Variants in C8B observed in about 807,000 individuals in gnomAD.
The protein encoded by C8B is complement component C8 beta chain.
Under a neutral mutation model 64.6 loss-of-function variants are expected in C8B, and 67 were observed. The observed-to-expected ratio is 1.04, with a 90% CI of 0.85 to 1.27. The LOEUF (loss-of-function observed/expected upper bound fraction) is 1.27. Among genes scored for constraint, C8B ranks in the 50% most tolerant of loss-of-function variants. The pLI is 0.00. For missense variants in C8B, 790 were observed against 725.2 expected (o/e 1.09, Z -1.03); for synonymous variants, 284 against 257.7 (o/e 1.10, Z -0.98).
intron 6 of C8B, among the ~76,000 whole-genome samples, chr1:56,949,209 A>G (rs1644985270): frequency 6.6e-6 from 1 of 152,184 alleles, no homozygotes; most frequent in Non-Finnish European, 1.5e-5. Context: ...TTATGAGGTT[A>G]TTATGTCATG....
intron 9 of C8B, among the ~76,000 whole-genome samples, chr1:56,935,760 A>G (rs1291328058): frequency 6.6e-6 from 1 of 152,238 alleles, no homozygotes; most frequent in Non-Finnish European, 1.5e-5. Context: ...AAAGTCACAT[A>G]GCTAGTGAGT....
intron 9 of C8B, among the ~76,000 whole-genome samples, chr1:56,937,219 C>T (rs989417974): frequency 9.2e-5 from 14 of 152,170 alleles, no homozygotes; most frequent in African/African-American, 3.1e-4. Context: ...AAGGTTGAGG[C>T]TTTCCAAACA....
chr1:56,951,955 A>G, intron 5 of C8B, 93 bp downstream of exon 5: 1 of 633,370 alleles, frequency 1.6e-6, no homozygotes, highest in Non-Finnish European at 2.1e-6. Flanking sequence ...GCTCAAAGAG[A>G]AAAGGGCTAG....
intron 8 of C8B, among the ~76,000 whole-genome samples, chr1:56,941,767 G>T (rs1227141823): frequency 6.6e-6 from 1 of 152,170 alleles, no homozygotes; most frequent in Non-Finnish European, 1.5e-5. Flanking sequence ...AGGTCTGCCT[G>T]GTTTCATAGC....
At chr1:56,937,269 G>A (rs1570375804) in intron 9 of C8B, among the ~76,000 whole-genome samples, 1 of 152,184 alleles carries the variant, frequency 6.6e-6, no homozygotes, top group Non-Finnish European at 1.5e-5. Context: ...TATCACTGCT[G>A]TGGTGATCTT....
chr1:56,960,934 G>A (rs1645170848), intron 1 of C8B, among the ~76,000 whole-genome samples: 2 of 152,166 alleles, frequency 1.3e-5, no homozygotes, highest in South Asian at 4.1e-4. Flanking sequence ...TATGGGCTTG[G>A]ATCTCAGGAT....
In C8B at chr1:56,962,337, T is replaced by C. The variant is rs1023344255; in HGVS notation, c.93-2161A>G. Among the ~76,000 whole-genome samples the C allele has an allele frequency of 2.6e-5, 4 of 152,192 alleles. No individual in the cohort carries two copies. The East Asian group carries it at 7.7e-4, about 29-fold the overall frequency. ...TTTGTAAATTACATCGGATGAGATG[T>C]GTGTGGTTTATTAGTACTATAAAAT... On this transcript the variant is annotated intron_variant, in intron 1 of 11. Transcript: ENST00000371237.
chr1:56,965,772 T>C (rs1458912554), intron 1 of C8B, 85 bp downstream of exon 1: 2 of 1,449,020 alleles, frequency 1.4e-6, no homozygotes, highest in African/African-American at 2.8e-5. Context: ...TCAATAGGCA[T>C]GCAACAAAGA....
At chr1:56,946,131 T>G in intron 6 of C8B, 70 bp from the exon 7 acceptor site, 1 of 1,575,154 alleles carries the variant, frequency 6.3e-7, no homozygotes. Context: ...AGATGAACTT[T>G]ACAAATACCA....
At chr1:56,936,698 G>A (rs916673277) in intron 9 of C8B, among the ~76,000 whole-genome samples, 3 of 151,492 alleles carry the variant, frequency 2.0e-5, no homozygotes, top group East Asian at 1.9e-4. Flanking sequence ...GGGTTCAAGC[G>A]ATTCTCCTGC....
intron 11 of C8B, chr1:56,931,470 GA>G (rs751170226): frequency 6.2e-5 from 21 of 339,896 alleles, no homozygotes; most frequent in Non-Finnish European, 1.1e-4. Flanking sequence ...TTTTATGGAG[GA>G]GGGGGCATAC....
At chr1:56,941,351 T>C (rs1370515403) in intron 8 of C8B, among the ~76,000 whole-genome samples, 1 of 152,074 alleles carries the variant, frequency 6.6e-6, no homozygotes, top group Non-Finnish European at 1.5e-5. Context: ...AGGTAGATAA[T>C]AGACTGGTAA....
At chr1:56,954,485 T>TGGCTTA (rs1645072059) in intron 4 of C8B, among the ~76,000 whole-genome samples, 1 of 152,188 alleles carries the variant, frequency 6.6e-6, no homozygotes, top group East Asian at 1.9e-4. Context: ...TCCTGATGCC[T>TGGCTTA]ATATCTGTCC....
At chr1:56,938,508 A>T (rs1644804854) in intron 9 of C8B, among the ~76,000 whole-genome samples, 1 of 152,166 alleles carries the variant, frequency 6.6e-6, no homozygotes, top group Non-Finnish European at 1.5e-5. Flanking sequence ...CTGTTTTTTT[A>T]GACATCGTTA....
intron 8 of C8B, among the ~76,000 whole-genome samples, chr1:56,941,494 GTAGATAGATAGATACATAGATAGATAGA>G (rs1358173333): frequency 0.035 from 5,123 of 145,956 alleles, 123 homozygotes; most frequent in Non-Finnish European, 0.052. Flanking sequence ...GTAGATAATA[GTAGATAGATAGATACATAGATAGATAGA>G]TAGATAGATA....
Position 56,957,629 on chromosome 1 carries a change from A to AT in C8B, c.250-720dup, listed in dbSNP as rs540642988. On this transcript the variant is annotated intron_variant, in intron 2 of 11. Coordinates refer to ENST00000371237, the MANE Select transcript of C8B (RefSeq NM_000066.4). Reference sequence around the variant, plus strand: ...CAGTCAATATTGCTATATCTCTACCATCTTATGCATTTATTCCAAAATGAT... The same window carrying AT: ...CAGTCAATATTGCTATATCTCTACCATTCTTATGCATTTATTCCAAAATGAT... 1.5e-3 allele frequency among the ~76,000 whole-genome samples: 232 copies of AT among 152,262 alleles called. 1 individual carries two copies. The highest frequency in any genetic ancestry group is 5.1e-3 in the African/African-American group (212 of 41,546).
chr1:56,954,164 G>A (rs1006113950), intron 4 of C8B, among the ~76,000 whole-genome samples: 2 of 152,056 alleles, frequency 1.3e-5, no homozygotes, highest in Non-Finnish European at 2.9e-5. Context: ...TTCTGAACTT[G>A]CTCCTCTGTC....
intron 2 of C8B, chr1:56,959,544 G>T: frequency 6.6e-7 from 1 of 1,519,228 alleles, no homozygotes; most frequent in Non-Finnish European, 8.8e-7. Flanking sequence ...AAAGCAGCAT[G>T]AAGAAACGCC....
At chr1:56,954,567 C>G (rs1207267903) in intron 4 of C8B, 119 bp downstream of exon 4, 1 of 1,381,060 alleles carries the variant, frequency 7.2e-7, no homozygotes, top group Non-Finnish European at 1.0e-6. Flanking sequence ...ACAATACAGT[C>G]TTTTCTCAGA....
Sources: allele counts gnomAD v4.1 joint callset (sites outside exome capture counted in the v4.1 genomes callset), GRCh38; gene constraint gnomAD v4.1.1; transcripts MANE v1.5; gene names NCBI Gene and HGNC (gene_info 2026-07-23, HGNC 2026-07-21).